The following KIF26B variants were observed in gnomAD, a reference collection of about 807,000 sequenced individuals.
KIF26B encodes the protein kinesin family member 26B.
Under a neutral mutation model 151.2 loss-of-function variants are expected in KIF26B, and 63 were observed. The ratio of observed to expected loss-of-function variants is 0.42; its 90% CI spans 0.34 to 0.51. KIF26B has a LOEUF of 0.51. Ranked by LOEUF, KIF26B falls within the 20% of genes least tolerant of loss-of-function variation. The pLI is 0.07. For synonymous variants in KIF26B, 1,357 were observed against 1,262.1 expected (o/e 1.08, Z -1.59); for missense variants, 2,813 against 2,913.6 (o/e 0.97, Z 0.79).
At chr1:245,586,500 T>C (rs1397392870) in intron 5 of KIF26B, among the ~76,000 whole-genome samples, 1 of 152,224 alleles carries the variant, frequency 6.6e-6, no homozygotes, top group African/African-American at 2.4e-5. Flanking sequence ...ACAGACTTTT[T>C]AGTTTGAGGA....
intron 4 of KIF26B, among the ~76,000 whole-genome samples, chr1:245,471,936 C>G (rs537919105): frequency 6.6e-6 from 1 of 152,064 alleles, no homozygotes; most frequent in Non-Finnish European, 1.5e-5. Flanking sequence ...AGATTACAGG[C>G]GCCCGCCACC....
In KIF26B at chr1:245,266,435, G is replaced by T. The variant is rs188116033; in HGVS notation, c.466-100399G>T. On this transcript the variant is annotated intron_variant, in intron 2 of 14. Coordinates refer to ENST00000407071, the MANE Select transcript of KIF26B (RefSeq NM_018012.4). The stretch of plus-strand genomic sequence containing the variant: ...ATTCCACTCCCAGGAACAGACCCTG[G>T]TGGAAAGAGAATAAGCTTTGGAGTC... Among the ~76,000 whole-genome samples, 132 of 152,274 alleles carry T rather than the reference G, an allele frequency of 8.7e-4. 1 individual carries two copies. Among genetic ancestry groups the T allele is most frequent in the African/African-American group, 3.1e-3 (128 of 41,564 alleles).
In KIF26B at chr1:245,413,869, G is replaced by A. The variant is rs113460839; in HGVS notation, c.1000-5710G>A. Among the ~76,000 whole-genome samples, 396 of 152,290 alleles carry A rather than the reference G, an allele frequency of 2.6e-3. 6 individuals are homozygous for A. Among genetic ancestry groups the A allele is most frequent in the African/African-American group, 9.2e-3 (383 of 41,572 alleles). On this transcript the variant is annotated intron_variant, in intron 3 of 14. Coordinates refer to ENST00000407071, the MANE Select transcript of KIF26B (RefSeq NM_018012.4). ...ATGCTGCACAGAAGCCACCTCAGCC[G>A]AATGGATCAGCATCCCAACCGTGGC...
chr1:245,587,109 C>G (rs149697244), intron 5 of KIF26B, among the ~76,000 whole-genome samples: 16 of 152,132 alleles, frequency 1.1e-4, no homozygotes, highest in African/African-American at 3.4e-4. Flanking sequence ...TCCAAGACAC[C>G]GGTCAGCCTG....
At chr1:245,168,877 CA>C (rs1305973003) in intron 2 of KIF26B, among the ~76,000 whole-genome samples, 4 of 152,148 alleles carry the variant, frequency 2.6e-5, no homozygotes, top group Non-Finnish European at 4.4e-5. Context: ...ATGCAGTTAT[CA>C]TCGATTTTTA....
intron 2 of KIF26B, among the ~76,000 whole-genome samples, chr1:245,346,724 C>A (rs1193224378): frequency 6.6e-6 from 1 of 152,174 alleles, no homozygotes; most frequent in East Asian, 1.9e-4. Flanking sequence ...ATAATGCAGT[C>A]ATTATCTGTT....
chr1:245,492,979 T>C (rs901909575), intron 4 of KIF26B, among the ~76,000 whole-genome samples: 4 of 151,998 alleles, frequency 2.6e-5, no homozygotes, highest in Non-Finnish European at 5.9e-5. Flanking sequence ...CGGGGTTTCA[T>C]CATGTTGGCC....
chr1:245,174,955 C>T (rs1245857772), intron 2 of KIF26B, among the ~76,000 whole-genome samples: 5 of 152,134 alleles, frequency 3.3e-5, no homozygotes, highest in African/African-American at 1.2e-4. Context: ...AGATGAAGTA[C>T]CACAGTCATC....
rs139634522 is a variant in KIF26B, at chr1:245,178,086, G to A, written c.465+21403G>A. On this transcript the variant is annotated intron_variant, in intron 2 of 14. Coordinates refer to ENST00000407071, the MANE Select transcript of KIF26B (RefSeq NM_018012.4). ...GCAGAGATATTTGTCCCTTAGGAGTGTATCAAATCACAGAGGTCACATCTG... is the reference window on the plus strand; with the variant it reads ...GCAGAGATATTTGTCCCTTAGGAGTATATCAAATCACAGAGGTCACATCTG... Among the ~76,000 whole-genome samples the A allele has an allele frequency of 4.0e-3, 615 of 152,336 alleles. 7 individuals carry two copies. Among genetic ancestry groups the A allele is most frequent in the African/African-American group, 0.014 (572 of 41,568 alleles).
At chr1:245,449,175 G>A (rs1659320832) in intron 4 of KIF26B, among the ~76,000 whole-genome samples, 1 of 152,206 alleles carries the variant, frequency 6.6e-6, no homozygotes, top group Non-Finnish European at 1.5e-5. Flanking sequence ...GGAGTCTGCA[G>A]CTGCCATCGG....
intron 2 of KIF26B, among the ~76,000 whole-genome samples, chr1:245,171,164 A>G (rs1668700244): frequency 1.3e-5 from 2 of 152,250 alleles, no homozygotes; most frequent in African/African-American, 4.8e-5. Context: ...AAAGAGAAAT[A>G]GAGTAGAGTT....
intron 4 of KIF26B, among the ~76,000 whole-genome samples, chr1:245,452,327 T>A (rs1659415077): frequency 1.3e-5 from 2 of 152,372 alleles, no homozygotes; most frequent in South Asian, 4.1e-4. Context: ...CATACTTTTT[T>A]ATTTATTTAT....
At chr1:245,321,356 T>G (rs1182005215) in intron 2 of KIF26B, among the ~76,000 whole-genome samples, 1 of 152,258 alleles carries the variant, frequency 6.6e-6, no homozygotes, top group Non-Finnish European at 1.5e-5. Context: ...CATTTTTTCA[T>G]GAAGGTAAAC....
intron 10 of KIF26B, among the ~76,000 whole-genome samples, chr1:245,649,046 C>T (rs369897473): frequency 3.3e-4 from 51 of 152,326 alleles, no homozygotes; most frequent in African/African-American, 6.0e-4. Flanking sequence ...ATCCAGCCAG[C>T]GCTGTCCTTC....
intron 2 of KIF26B, among the ~76,000 whole-genome samples, chr1:245,275,468 C>A (rs1029483468): frequency 2.6e-5 from 4 of 152,066 alleles, no homozygotes; most frequent in African/African-American, 9.7e-5. Flanking sequence ...TTAGGTCTTA[C>A]GTTTAAGTCT....
chr1:245,412,643 A>G (rs1674314944), intron 3 of KIF26B, among the ~76,000 whole-genome samples: 1 of 152,210 alleles, frequency 6.6e-6, no homozygotes, highest in South Asian at 2.1e-4. Context: ...TTCTGTGGTC[A>G]AGATGGTAAC....
At chr1:245,444,178 T>A (rs1475653534) in intron 4 of KIF26B, among the ~76,000 whole-genome samples, 14,634 of 123,622 alleles carry the variant, frequency 0.12, 93 homozygotes, top group African/African-American at 0.19. Context: ...TCACCTAGAG[T>A]GGTCATCTCC....
chr1:245,473,665 T>C (rs1204175950), intron 4 of KIF26B, among the ~76,000 whole-genome samples: 2 of 152,008 alleles, frequency 1.3e-5, no homozygotes, highest in African/African-American at 2.4e-5. Flanking sequence ...TAGCTCTAAA[T>C]ACTTTCAAAA....
chr1:245,319,948 T>G (rs993864969), intron 2 of KIF26B, among the ~76,000 whole-genome samples: 24 of 152,218 alleles, frequency 1.6e-4, no homozygotes, highest in African/African-American at 5.8e-4. Context: ...ACAGACTCAG[T>G]GTCATCATTT....
Sources: gnomAD v4.1 joint callset for allele counts (sites outside exome capture counted in the v4.1 genomes callset) on GRCh38, gnomAD v4.1.1 for gene constraint, MANE v1.5 for transcripts, NCBI Gene and HGNC (gene_info 2026-07-23, HGNC 2026-07-21) for gene names.